The following C11orf16 variants were observed in gnomAD, a reference collection of about 807,000 sequenced individuals.
C11orf16 encodes uncharacterized protein C11orf16.
A neutral mutation model predicts 45.1 loss-of-function variants in C11orf16; 38 were observed. The observed-to-expected ratio is 0.84, with a 90% CI of 0.65 to 1.10. The LOEUF is 1.10. C11orf16 is among the 50% of genes least tolerant of loss of function. The pLI is 0.00. For synonymous variants in C11orf16, 221 were observed against 222.0 expected (o/e 1.00, Z 0.04); for missense variants, 583 against 569.5 (o/e 1.02, Z -0.24).
Position 8,926,952 on chromosome 11 carries a change from C to T in C11orf16, c.547G>A (p.Asp183Asn). ...CAGCTTCTCTTACCTCTCTGGGGAT[C>T]TCTCATCTCCAAGCCCAAAAGAACA... ...GTVLLGLEMR[D>N]PQRASKEKEI... The change falls in exon 4 of 7, where the codon GAT (aspartate) becomes AAT (asparagine). Residue 183 changes from aspartate (D) to asparagine (N), a missense_variant. Coordinates refer to ENST00000326053, the MANE Select transcript of C11orf16 (RefSeq NM_020643.3). 1.2e-6 allele frequency: 2 copies of T among 1,613,506 alleles called. No homozygotes were observed. The highest frequency in any genetic ancestry group is 1.7e-6 in the Non-Finnish European group (2 of 1,179,916).
intron 2 of C11orf16, among the ~76,000 whole-genome samples, chr11:8,930,081 CT>C: frequency 6.6e-6 from 1 of 151,746 alleles, no homozygotes; most frequent in Non-Finnish European, 1.5e-5. Flanking sequence ...AATGACACTA[CT>C]GCACTCCAGC....
chr11:8,923,931 C>T (rs2134831938), intron 5 of C11orf16, among the ~76,000 whole-genome samples: 1 of 145,908 alleles, frequency 6.9e-6, no homozygotes, highest in Non-Finnish European at 1.5e-5. Flanking sequence ...GTGGCTGCTG[C>T]CAAGGCTTGC....
intron 3 of C11orf16, 50 bp from the exon 4 acceptor site, chr11:8,927,224 T>C (rs1476002311): frequency 6.8e-7 from 1 of 1,470,074 alleles, no homozygotes; most frequent in Admixed American, 1.9e-5. Context: ...CAAAGTACAA[T>C]AGGGAGCACC....
intron 5 of C11orf16, among the ~76,000 whole-genome samples, chr11:8,923,722 G>C (rs2064589730): frequency 6.6e-6 from 1 of 152,022 alleles, no homozygotes; most frequent in South Asian, 2.1e-4. Flanking sequence ...TCATACCTCA[G>C]CCTCCCAACT....
At chr11:8,931,080 C>T (rs1050131585) in intron 2 of C11orf16, among the ~76,000 whole-genome samples, 13 of 152,074 alleles carry the variant, frequency 8.5e-5, no homozygotes, top group African/African-American at 1.2e-4. Context: ...CTTGTATCCA[C>T]GCTTTAGAAA....
rs372327938 is a variant in C11orf16 at position 8,926,930 on chromosome 11, C to T, written c.559+10G>A. On this transcript the variant is annotated intron_variant, in intron 4 of 6. Coordinates refer to ENST00000326053, the MANE Select transcript of C11orf16 (RefSeq NM_020643.3). ...TCTGGGCACTGATGGGTCAGAGCAG[C>T]TTCTCTTACCTCTCTGGGGATCTCT... 12 of 1,610,160 alleles carry T rather than the reference C, an allele frequency of 7.5e-6. No homozygotes were observed. The African/African-American group carries it at 1.6e-4, about 21-fold the overall frequency.
intron 3 of C11orf16, 64 bp from the exon 4 acceptor site, chr11:8,927,238 G>T: frequency 7.5e-7 from 1 of 1,336,738 alleles, no homozygotes; most frequent in Non-Finnish European, 1.0e-6. Flanking sequence ...GAGCACCCAG[G>T]TTCCCTACGA....
intron 5 of C11orf16, among the ~76,000 whole-genome samples, chr11:8,921,832 G>A (rs558759475): frequency 1.3e-5 from 2 of 152,160 alleles, no homozygotes; most frequent in South Asian, 2.1e-4. Flanking sequence ...TTGTAGAAAC[G>A]GTCTCACTAT....
chr11:8,924,314 C>T (rs1254121772), intron 5 of C11orf16, among the ~76,000 whole-genome samples: 2 of 152,112 alleles, frequency 1.3e-5, no homozygotes, highest in Non-Finnish European at 2.9e-5. Flanking sequence ...TCACTTAGGC[C>T]AGGGGTTCGA....
In C11orf16 at chr11:8,932,241, G is replaced by T. The variant is rs749262805; in HGVS notation, c.68C>A (p.Ala23Asp). The change falls in exon 2 of 7, where the codon GCC (alanine) becomes GAC (aspartate). Residue 23 changes from alanine to aspartate, a missense_variant. Coordinates refer to ENST00000326053, the MANE Select transcript of C11orf16 (RefSeq NM_020643.3). ...KYCSVATSLK[A>D]PGWDGAAPPW... ...TGGAGCAGCACCGTCCCAGCCAGGG[G>T]CCTTCAGGCTTGTGGCCACGCTGCA... 1 of 1,610,238 alleles carries T rather than the reference G, an allele frequency of 6.2e-7. No homozygotes were observed. The highest frequency in any genetic ancestry group is 8.5e-7 in the Non-Finnish European group (1 of 1,178,496).
At position 8,921,426 on chromosome 11, in the gene C11orf16, C is replaced by T; in HGVS notation, c.1294G>A (p.Val432Ile). 1 of 1,614,210 alleles carries T rather than the reference C, an allele frequency of 6.2e-7. No individual in the cohort carries two copies. Among genetic ancestry groups the T allele is most frequent in the Non-Finnish European group, 8.5e-7 (1 of 1,180,044 alleles). Residue 432 changes from valine to isoleucine, a missense_variant, in exon 6 of 7, where the codon GTC becomes ATC. Physicochemically the swap from Val to Ile is conservative, Grantham distance 29 (BLOSUM62 3). Transcript: ENST00000326053. ...TAVVGTTKELVSKATHMKPPR... is the reference protein window; with the variant it reads ...TAVVGTTKELISKATHMKPPR... ...GGCTTCATGTGGGTTGCTTTCGAGA[C>T]CAGCTCCTTGGTAGTCCCCACTACT...
Position 8,925,838 on chromosome 11 carries a change from G to C in C11orf16, c.829C>G (p.Leu277Val), listed in dbSNP as rs371260408. 8 of 1,614,010 alleles carry C rather than the reference G, an allele frequency of 5.0e-6. No homozygotes were observed. Among genetic ancestry groups the C allele is most frequent in the Non-Finnish European group, 5.1e-6 (6 of 1,179,974 alleles). Residue 277 changes from leucine (L) to valine (V), a missense_variant, in exon 5 of 7, where the codon CTG becomes GTG. Coordinates refer to ENST00000326053, the MANE Select transcript of C11orf16 (RefSeq NM_020643.3). ...CAGCCACAGAGGCAGCCCTGGCACA[G>C]TAGCTGGCAGCAGGCATGATGGTGG... ...LCHHHACCQL[L>V]CQGCLCGCPP...
intron 5 of C11orf16, among the ~76,000 whole-genome samples, chr11:8,922,199 T>C (rs958346598): frequency 2.6e-5 from 4 of 152,056 alleles, no homozygotes; most frequent in African/African-American, 9.7e-5. Flanking sequence ...GATTACAAGC[T>C]GATAGAAAAC....
chr11:8,929,227 G>A, intron 3 of C11orf16, 150 bp downstream of exon 3: 1 of 780,474 alleles, frequency 1.3e-6, no homozygotes, highest in Non-Finnish European at 2.0e-6. Context: ...ACACTCAATG[G>A]TATTACATGT....
chr11:8,923,058 C>G (rs1042240725), intron 5 of C11orf16, among the ~76,000 whole-genome samples: 1 of 152,218 alleles, frequency 6.6e-6, no homozygotes, highest in Non-Finnish European at 1.5e-5. Flanking sequence ...CCTGAAGATA[C>G]TATAGTTATC....
chr11:8,932,429 G>C, intron 1 of C11orf16, 103 bp from the exon 2 acceptor site: 1 of 961,880 alleles, frequency 1.0e-6, no homozygotes, highest in Non-Finnish European at 1.5e-6. Context: ...TCTGGGGACA[G>C]TTGAGTCCAT....
intron 3 of C11orf16, 87 bp from the exon 4 acceptor site, chr11:8,927,261 C>T: frequency 2.0e-6 from 2 of 1,024,806 alleles, no homozygotes; most frequent in South Asian, 1.5e-5. Context: ...CCCCCCAAAT[C>T]AGGCCCAGGG....
At chr11:8,924,418 G>T (rs1455892140) in intron 5 of C11orf16, among the ~76,000 whole-genome samples, 1 of 152,042 alleles carries the variant, frequency 6.6e-6, no homozygotes, top group Non-Finnish European at 1.5e-5. Flanking sequence ...CCCAGCTACT[G>T]GGGAGGCTGA....
At position 8,930,594 on chromosome 11, in the gene C11orf16, A is replaced by T. The variant is rs1024816076; in HGVS notation, c.168-1061T>A. ...GATGAGGAAGTGTTTGGGCAGGGAC[A>T]ACCCAGAGGAGCTAAGGGGCTGTGG... is the stretch of plus-strand genomic sequence containing the variant. On this transcript the variant is annotated intron_variant, in intron 2 of 6. Coordinates refer to ENST00000326053, the MANE Select transcript of C11orf16 (RefSeq NM_020643.3). 5.9e-5 allele frequency among the ~76,000 whole-genome samples: 9 copies of T among 152,218 alleles called. No individual in the cohort carries two copies. The South Asian group carries it at 1.2e-3, about 21-fold the overall frequency.
Sources: allele counts gnomAD v4.1 joint callset (sites outside exome capture counted in the v4.1 genomes callset), GRCh38; gene constraint gnomAD v4.1.1; transcripts MANE v1.5; gene names NCBI Gene and HGNC (gene_info 2026-07-23, HGNC 2026-07-21).